The following FREM1 variants were observed in gnomAD, a reference collection of about 807,000 sequenced individuals.
The protein encoded by FREM1 is FRAS1-related extracellular matrix protein 1.
In FREM1, 220 loss-of-function variants were observed where a neutral mutation model predicts 210.1. The ratio of observed to expected loss-of-function variants is 1.05; its 90% CI spans 0.94 to 1.17. The LOEUF (loss-of-function observed/expected upper bound fraction) is 1.17. Ranked by LOEUF, FREM1 falls within the 50% of genes most tolerant of loss-of-function variation. FREM1 has a pLI of 0.00. For missense variants in FREM1, 3,454 were observed against 2,675.5 expected (o/e 1.29, Z -6.42); for synonymous variants, 1,189 against 980.2 (o/e 1.21, Z -3.98).
At chr9:14,762,231 A>G (rs986276827) in intron 27 of FREM1, among the ~76,000 whole-genome samples, 4 of 152,238 alleles carry the variant, frequency 2.6e-5, no homozygotes, top group Admixed American at 2.0e-4. Context: ...GGGAAAAGAG[A>G]GAAAGATGAA....
In FREM1 at chr9:14,813,057, G is replaced by C. The variant is rs564609817; in HGVS notation, c.2648C>G (p.Pro883Arg). ...TAAGACTGGTGGCTCATCGTTGACAGGGAATACCTAGGCAATGGAAAAAAT... is the reference window on the plus strand; with the variant it reads ...TAAGACTGGTGGCTCATCGTTGACACGGAATACCTAGGCAATGGAAAAAAT... The part of the protein sequence containing the change: ...AEFVLHVEVF[P>R]VNDEPPVLKA... Residue 883 changes from proline to arginine, a missense_variant, in exon 16 of 37, where the codon CCT (proline) becomes CGT (arginine). Pro to Arg is a moderately radical substitution (Grantham distance 103). Coordinates refer to ENST00000380880, the MANE Select transcript of FREM1 (RefSeq NM_001379081.2). The C allele has an allele frequency of 3.1e-6, 5 of 1,606,752 alleles. No individual in the cohort carries two copies. In the East Asian group the frequency reaches 1.1e-4, roughly 36 times the overall value.
intron 3 of FREM1, among the ~76,000 whole-genome samples, chr9:14,860,790 C>CGT (rs376615870): frequency 9.7e-6 from 1 of 102,920 alleles, no homozygotes; most frequent in African/African-American, 4.4e-5. Flanking sequence ...TACATATATA[C>CGT]ATATATACAC....
chr9:14,840,582 G>C (rs1825503176), intron 10 of FREM1, among the ~76,000 whole-genome samples: 1 of 152,126 alleles, frequency 6.6e-6, no homozygotes, highest in Admixed American at 6.5e-5. Flanking sequence ...AACAGCACAG[G>C]AAAAACCCAC....
At chr9:14,863,726 A>C (rs1345524878) in intron 3 of FREM1, 83 bp downstream of exon 3, 4 of 792,886 alleles carry the variant, frequency 5.0e-6, no homozygotes, top group Non-Finnish European at 8.7e-6. Context: ...CCCTCATGAC[A>C]ATACATATCC....
At chr9:14,740,917 G>A (rs1459770840) in intron 35 of FREM1, among the ~76,000 whole-genome samples, 1 of 152,004 alleles carries the variant, frequency 6.6e-6, no homozygotes, top group Non-Finnish European at 1.5e-5. Flanking sequence ...CCCCAGCAGT[G>A]CTCATTAAAA....
intron 18 of FREM1, among the ~76,000 whole-genome samples, chr9:14,805,381 A>G (rs1408119499): frequency 6.6e-6 from 1 of 152,262 alleles, no homozygotes; most frequent in Non-Finnish European, 1.5e-5. Context: ...AGAACCGAAG[A>G]GTAATACTTT....
chr9:14,826,175 C>T (rs1213517878), intron 10 of FREM1, among the ~76,000 whole-genome samples: 1 of 147,260 alleles, frequency 6.8e-6, no homozygotes, highest in Admixed American at 7.0e-5. Flanking sequence ...TCACTGCAAG[C>T]TCCACTCCCA....
chr9:14,762,336 A>G (rs1563859872), intron 27 of FREM1, among the ~76,000 whole-genome samples: 1 of 152,236 alleles, frequency 6.6e-6, no homozygotes, highest in Admixed American at 6.5e-5. Flanking sequence ...TCAATGTCCA[A>G]TTCTTCTGAG....
At chr9:14,807,815 TA>T in intron 17 of FREM1, 124 bp downstream of exon 17, 1 of 711,258 alleles carries the variant, frequency 1.4e-6, no homozygotes, top group South Asian at 2.7e-5. Context: ...TTGAGGTAAT[TA>T]TTGAAGGACA....
At chr9:14,857,392 T>C (rs1220646821) in intron 5 of FREM1, among the ~76,000 whole-genome samples, 161 bp downstream of exon 5, 2 of 152,164 alleles carry the variant, frequency 1.3e-5, no homozygotes, top group African/African-American at 4.8e-5. Flanking sequence ...AAGCACTTAC[T>C]AGCAGAACCA....
chr9:14,838,180 G>A (rs1824975748), intron 10 of FREM1, among the ~76,000 whole-genome samples: 1 of 152,154 alleles, frequency 6.6e-6, no homozygotes, highest in South Asian at 2.1e-4. Context: ...TATTCTGAAT[G>A]CCATTGTTGT....
Position 14,884,485 on chromosome 9 carries a change from C to T in FREM1, c.-267-15241G>A, listed in dbSNP as rs544346804. Among the ~76,000 whole-genome samples the T allele has an allele frequency of 4.6e-5, 7 of 152,250 alleles. No homozygotes were observed. The South Asian group carries it at 1.0e-3, about 23-fold the overall frequency. On this transcript the variant is annotated intron_variant, in intron 1 of 36. Coordinates refer to ENST00000380880, the MANE Select transcript of FREM1 (RefSeq NM_001379081.2). The stretch of plus-strand genomic sequence containing the variant: ...ATTCTTTCTGAAATGTGAAAAAACA[C>T]GCTGTTTTGAATTCTTATGAAAATT...
chr9:14,830,267 C>A (rs896529662), intron 10 of FREM1, among the ~76,000 whole-genome samples: 1 of 152,104 alleles, frequency 6.6e-6, no homozygotes, highest in Admixed American at 6.5e-5. Context: ...AAGACCAAGG[C>A]CAGGTTTTGT....
rs1564105223 is a variant in FREM1 at position 14,861,054 on chromosome 9, CATATATACACATATACATATAT to C, written c.330-1592_330-1571del. Among the ~76,000 whole-genome samples the C allele has an allele frequency of 3.1e-4, 22 of 71,676 alleles. 1 individual carries two copies. The highest frequency in any genetic ancestry group is 1.2e-3 in the East Asian group (1 of 820). 47.0% of individuals were successfully genotyped at this position (71,676 alleles called of 152,430 possible). A position where few individuals can be genotyped will look rare whatever the true frequency, so the allele number is the denominator to read the frequency against. The stretch of plus-strand genomic sequence containing the variant: ...ACATATATACATATATACATATATA[CATATATACACATATACATATAT>C]ACATATATACACATATATATAAACA... On this transcript the variant is annotated intron_variant, in intron 3 of 36. Coordinates refer to ENST00000380880, the MANE Select transcript of FREM1 (RefSeq NM_001379081.2).
intron 8 of FREM1, among the ~76,000 whole-genome samples, chr9:14,844,895 T>C (rs1001119233): frequency 6.6e-6 from 1 of 152,206 alleles, no homozygotes; most frequent in African/African-American, 2.4e-5. Flanking sequence ...TAACTAATTT[T>C]CAAGCCACTA....
chr9:14,907,254 G>A lies in FREM1; in HGVS notation c.-268+2660C>T, dbSNP rs564427838. On this transcript the variant is annotated intron_variant, in intron 1 of 36. Transcript: ENST00000380880. ...CACACCTATAATTTCTTATCTTGATGGCCAAGTTTTAGAGCCCTTTGAAAT... is the reference window on the plus strand; with the variant it reads ...CACACCTATAATTTCTTATCTTGATAGCCAAGTTTTAGAGCCCTTTGAAAT... Among the ~76,000 whole-genome samples, 4 of 152,262 alleles carry A rather than the reference G, an allele frequency of 2.6e-5. No homozygotes were observed. The South Asian group carries it at 6.2e-4, about 24-fold the overall frequency.
In FREM1 at chr9:14,774,801, C is replaced by G. The variant is rs550395770; in HGVS notation, c.4857+988G>C. ...GTCAACAAATGTGGCAGTGTAGTGT[C>G]ATAGAAAGGACACAGAATTTGGGAT... On this transcript the variant is annotated intron_variant, in intron 25 of 36. Transcript: ENST00000380880. Among the ~76,000 whole-genome samples the G allele has an allele frequency of 1.1e-4, 17 of 152,256 alleles. No homozygotes were observed. The East Asian group carries it at 3.3e-3, about 29-fold the overall frequency.
chr9:14,779,226 C>T (rs1247471444), intron 24 of FREM1, among the ~76,000 whole-genome samples: 1 of 152,018 alleles, frequency 6.6e-6, no homozygotes, highest in African/African-American at 2.4e-5. Context: ...TCACATTAAA[C>T]TGGCTCTCTG....
rs974739997 is a variant in FREM1, at chr9:14,788,786, T to C, written c.4177+133A>G. ...AGCCAAAGGATCTAAACACAAATGA[T>C]AGAATTTCAAAGATGAAGAGTGGCA... On this transcript the variant is annotated intron_variant, in intron 23 of 36. Coordinates refer to ENST00000380880, the MANE Select transcript of FREM1 (RefSeq NM_001379081.2). 25 of 746,608 alleles carry C rather than the reference T, an allele frequency of 3.3e-5. No homozygotes were observed. The African/African-American group carries it at 3.4e-4, about 10-fold the overall frequency. The allele number at this position is 746,608 out of a possible 1,614,324, so 46.2% of individuals were successfully genotyped here. A position where few individuals can be genotyped will look rare whatever the true frequency, so the allele number is the denominator to read the frequency against.
Sources: allele counts gnomAD v4.1 joint callset (sites outside exome capture counted in the v4.1 genomes callset), GRCh38; gene constraint gnomAD v4.1.1; transcripts MANE v1.5; gene names NCBI Gene and HGNC (gene_info 2026-07-23, HGNC 2026-07-21).